The following FGF14 variants were observed in gnomAD, a reference collection of about 807,000 sequenced individuals.
FGF14 encodes the protein fibroblast growth factor homologous factor 4.
A neutral mutation model predicts 25.5 loss-of-function variants in FGF14; 5 were observed. That is an observed-to-expected ratio of 0.20 (90% CI 0.10 to 0.41). FGF14 has a LOEUF of 0.41. FGF14 is among the 10% of genes least tolerant of loss of function. The probability of loss-of-function intolerance (pLI) is 1.00; values close to 1 mark genes in which losing one functional copy is unlikely to be tolerated. For missense variants in FGF14, 222 were observed against 320.1 expected, an observed-to-expected ratio of 0.69 and a Z score of 2.34; for synonymous variants, 138 against 118.3, an observed-to-expected ratio of 1.17 and a Z score of -1.08.
chr13:102,363,019 TAAG>T (rs539009689), intron 1 of FGF14, among the ~76,000 whole-genome samples: 457 of 152,278 alleles, frequency 3.0e-3, no homozygotes, highest in African/African-American at 0.01. Flanking sequence ...GTGAGCATGT[TAAG>T]AATATTAAAC....
chr13:102,200,083 TCATTACTATCTGCCG>T (rs1428468673), intron 1 of FGF14, among the ~76,000 whole-genome samples: 5 of 152,128 alleles, frequency 3.3e-5, no homozygotes, highest in African/African-American at 1.2e-4. Flanking sequence ...TGATGGGGAG[TCATTACTATCTGCCG>T]CATAGAGTTG....
intron 3 of FGF14, chr13:101,868,394 ATT>A (rs2044852296): frequency 4.6e-6 from 1 of 219,270 alleles, no homozygotes; most frequent in South Asian, 6.9e-5. Flanking sequence ...TAGAATTCAT[ATT>A]GTTTCTTTTA....
chr13:102,271,246 T>A (rs2053230412), intron 1 of FGF14, among the ~76,000 whole-genome samples: 1 of 152,206 alleles, frequency 6.6e-6, no homozygotes, highest in Non-Finnish European at 1.5e-5. Flanking sequence ...GCCAAATTTT[T>A]AACAATTTTT....
chr13:101,901,659 G>A (rs1054480099), intron 1 of FGF14, among the ~76,000 whole-genome samples: 7 of 152,024 alleles, frequency 4.6e-5, no homozygotes, highest in Non-Finnish European at 8.8e-5. Context: ...AGCCGAGATC[G>A]CACCACTGCA....
chr13:101,886,840 TCAA>T (rs774107099), intron 1 of FGF14, among the ~76,000 whole-genome samples: 59 of 152,156 alleles, frequency 3.9e-4, no homozygotes, highest in African/African-American at 9.9e-4. Flanking sequence ...CTTGAACAAT[TCAA>T]CAACAACAAA....
chr13:101,785,984 C>T (rs546096050), intron 3 of FGF14, among the ~76,000 whole-genome samples: 1 of 152,230 alleles, frequency 6.6e-6, no homozygotes, highest in African/African-American at 2.4e-5. Flanking sequence ...TCCTGAAGAC[C>T]CTTCTCTGCC....
At chr13:102,130,058 T>C (rs1391746932) in intron 1 of FGF14, among the ~76,000 whole-genome samples, 1 of 152,182 alleles carries the variant, frequency 6.6e-6, no homozygotes, top group African/African-American at 2.4e-5. Context: ...TTAGAGAAAG[T>C]AGAACCTTGA....
intron 1 of FGF14, among the ~76,000 whole-genome samples, chr13:101,969,093 T>G (rs914970807): frequency 6.6e-6 from 1 of 152,142 alleles, no homozygotes; most frequent in African/African-American, 2.4e-5. Context: ...ATCTGGCCAG[T>G]GGGCTCCATG....
At chr13:101,753,819 A>C (rs551649180) in intron 3 of FGF14, among the ~76,000 whole-genome samples, 1 of 151,464 alleles carries the variant, frequency 6.6e-6, no homozygotes, top group Non-Finnish European at 1.5e-5. Context: ...AAAAAAAAAA[A>C]TTTCCTTGTT....
rs182353703 is a variant in FGF14 at position 101,928,087 on chromosome 13, G to C, written c.209-52791C>G. Among the ~76,000 whole-genome samples the C allele has an allele frequency of 3.2e-3, 493 of 152,314 alleles. 2 individuals are homozygous for C. Among genetic ancestry groups the C allele is most frequent in the Non-Finnish European group, 4.6e-3 (312 of 68,026 alleles). ...CTCTTGAAGCACTAAAAGAGGCCCT[G>C]TGGGCAGAGGCTTGTGGAGTTCTGG... On this transcript the variant is annotated intron_variant, in intron 1 of 4. Coordinates refer to the FGF14 transcript ENST00000376131.
chr13:101,870,059 G>A (rs1350539876), intron 2 of FGF14, among the ~76,000 whole-genome samples: 1 of 152,144 alleles, frequency 6.6e-6, no homozygotes, highest in Non-Finnish European at 1.5e-5. Context: ...AAAATACTCA[G>A]GGGCATCTAT....
intron 1 of FGF14, among the ~76,000 whole-genome samples, chr13:102,009,693 CTTGTT>C (rs2039982654): frequency 6.6e-6 from 1 of 151,902 alleles, no homozygotes; most frequent in Admixed American, 6.6e-5. Context: ...CTAGTTGTTT[CTTGTT>C]TTAACATTTC....
intron 3 of FGF14, among the ~76,000 whole-genome samples, chr13:101,747,383 T>C (rs1195425681): frequency 6.6e-6 from 1 of 151,930 alleles, no homozygotes; most frequent in Non-Finnish European, 1.5e-5. Flanking sequence ...TACTGGGAAA[T>C]TTAGACAGAA....
chr13:102,166,993 G>A (rs1317145259), intron 1 of FGF14, among the ~76,000 whole-genome samples: 1 of 151,998 alleles, frequency 6.6e-6, no homozygotes, highest in Non-Finnish European at 1.5e-5. Context: ...AGCTGGGCAC[G>A]AAGAGGCTAA....
At chr13:102,130,209 T>C (rs1278311274) in intron 1 of FGF14, among the ~76,000 whole-genome samples, 1 of 152,158 alleles carries the variant, frequency 6.6e-6, no homozygotes, top group Non-Finnish European at 1.5e-5. Flanking sequence ...AATATGCCCA[T>C]GTCTGACAAA....
At chr13:101,761,641 C>A (rs183525931) in intron 3 of FGF14, among the ~76,000 whole-genome samples, 1 of 152,098 alleles carries the variant, frequency 6.6e-6, no homozygotes, top group South Asian at 2.1e-4. Flanking sequence ...GTTCCCTACA[C>A]GAAGAAATAA....
At chr13:101,750,478 G>T (rs1294089670) in intron 3 of FGF14, among the ~76,000 whole-genome samples, 1 of 152,106 alleles carries the variant, frequency 6.6e-6, no homozygotes, top group Non-Finnish European at 1.5e-5. Flanking sequence ...TTTGAGGAAA[G>T]GTTCCAATTT....
At chr13:102,195,177 AAC>A in intron 1 of FGF14, among the ~76,000 whole-genome samples, 1 of 152,214 alleles carries the variant, frequency 6.6e-6, no homozygotes, top group African/African-American at 2.4e-5. Flanking sequence ...AAGAAATATT[AAC>A]AGCACCAGTA....
intron 1 of FGF14, among the ~76,000 whole-genome samples, chr13:102,165,559 G>A (rs60538827): frequency 0.12 from 18,298 of 148,836 alleles, 1,286 homozygotes; most frequent in East Asian, 0.22. Flanking sequence ...GCAAACTATC[G>A]CAAGGACAAA....
Sources: gnomAD v4.1 joint callset for allele counts (sites outside exome capture counted in the v4.1 genomes callset) on GRCh38, gnomAD v4.1.1 for gene constraint, MANE v1.5 for transcripts, NCBI Gene and HGNC (gene_info 2026-07-23, HGNC 2026-07-21) for gene names.